IL1RAPL2: variants seen among roughly 807,000 people sequenced by gnomAD.
IL1RAPL2 encodes X-linked interleukin-1 receptor accessory protein-like 2.
A neutral mutation model predicts 44.1 loss-of-function variants in IL1RAPL2; 3 were observed. The ratio of observed to expected loss-of-function variants is 0.07; its 90% confidence interval spans 0.03 to 0.18. The LOEUF (loss-of-function observed/expected upper bound fraction) is 0.18, where lower values mean the gene tolerates loss of function less well. Among genes scored for constraint, IL1RAPL2 ranks in the 10% least tolerant of loss-of-function variants. The probability of loss-of-function intolerance (pLI) is 1.00; values close to 1 mark genes in which losing one functional copy is unlikely to be tolerated. For synonymous variants in IL1RAPL2, 181 were observed against 178.8 expected (o/e 1.01, Z -0.10); for missense variants, 391 against 496.4 (o/e 0.79, Z 2.02).
intron 2 of IL1RAPL2, among the ~76,000 whole-genome samples, chrX:104,756,009 T>A (rs756582650): frequency 2.7e-5 from 3 of 111,630 alleles, no homozygotes; most frequent in Non-Finnish European, 5.7e-5. Flanking sequence ...GGAATTAACC[T>A]ATACTATGCA....
At chrX:104,659,779 C>G (rs771186803) in intron 2 of IL1RAPL2, among the ~76,000 whole-genome samples, 3 of 111,792 alleles carry the variant, frequency 2.7e-5, no homozygotes, top group African/African-American at 6.5e-5. Flanking sequence ...GCTTCTAATT[C>G]ATTTATTTCT....
At chrX:104,917,470 C>T (rs1924489200) in intron 2 of IL1RAPL2, among the ~76,000 whole-genome samples, 2 of 111,251 alleles carry the variant, frequency 1.8e-5, no homozygotes, top group Admixed American at 1.9e-4. Context: ...TGATTTTTAT[C>T]CACAGATTTG....
intron 2 of IL1RAPL2, among the ~76,000 whole-genome samples, chrX:105,175,226 G>A (rs2033461926): frequency 1.8e-5 from 2 of 111,195 alleles, no homozygotes; most frequent in Admixed American, 9.6e-5. Context: ...ACCCTGTAAG[G>A]TGTAAATTTC....
intron 8 of IL1RAPL2, among the ~76,000 whole-genome samples, chrX:105,747,520 A>G (rs201893167): frequency 2.4e-3 from 150 of 63,592 alleles, no homozygotes; most frequent in Middle Eastern, 0.014. Flanking sequence ...GTGTGTGTAT[A>G]TATATATATA....
chrX:104,914,225 G>A (rs1007039072), intron 2 of IL1RAPL2, among the ~76,000 whole-genome samples: 1 of 111,616 alleles, frequency 9.0e-6, no homozygotes, highest in African/African-American at 3.3e-5. Flanking sequence ...ATACTCTAAG[G>A]TTTGACAACA....
chrX:104,608,662 CTTTTTT>C (rs60105376), intron 1 of IL1RAPL2, among the ~76,000 whole-genome samples: 41 of 58,510 alleles, frequency 7.0e-4, no homozygotes, highest in East Asian at 1.6e-3. Context: ...GCAACCCCTG[CTTTTTT>C]TTTTTTTTTT....
chrX:105,144,016 T>TA (rs761101214), intron 2 of IL1RAPL2, among the ~76,000 whole-genome samples: 3,225 of 98,602 alleles, frequency 0.033, 130 homozygotes, highest in African/African-American at 0.11. Context: ...ATAAACAAAA[T>TA]AAAAAAAAAA....
intron 5 of IL1RAPL2, among the ~76,000 whole-genome samples, chrX:105,355,113 A>AT (rs1201245562): frequency 9.0e-6 from 1 of 111,066 alleles, no homozygotes; most frequent in Non-Finnish European, 1.9e-5. Flanking sequence ...CATGCAATCC[A>AT]TTTTTTACCT....
At chrX:105,674,549 G>A (rs1204494028) in intron 6 of IL1RAPL2, among the ~76,000 whole-genome samples, 1 of 112,073 alleles carries the variant, frequency 8.9e-6, no homozygotes, top group Non-Finnish European at 1.9e-5. Flanking sequence ...CCATTACCAT[G>A]CTGTTTTGGT....
intron 2 of IL1RAPL2, among the ~76,000 whole-genome samples, chrX:104,740,659 C>G (rs945955385): frequency 2.7e-5 from 3 of 110,397 alleles, no homozygotes; most frequent in African/African-American, 9.8e-5. Flanking sequence ...CGTTATTTAT[C>G]GGGGAAACTC....
intron 5 of IL1RAPL2, among the ~76,000 whole-genome samples, chrX:105,387,121 A>T (rs1373107232): frequency 2.8e-5 from 3 of 108,908 alleles, no homozygotes; most frequent in Non-Finnish European, 5.7e-5. Context: ...GCCAAGGAAG[A>T]GTGTTACTCA....
At chrX:105,358,301 C>T (rs2035220025) in intron 5 of IL1RAPL2, among the ~76,000 whole-genome samples, 2 of 107,771 alleles carry the variant, frequency 1.9e-5, no homozygotes, top group Admixed American at 1.0e-4. Context: ...AATTTTATGT[C>T]AGTATGCTAT....
chrX:104,827,597 T>C, intron 2 of IL1RAPL2, among the ~76,000 whole-genome samples: 1 of 110,962 alleles, frequency 9.0e-6, no homozygotes, highest in Non-Finnish European at 1.9e-5. Context: ...CTGACAATTA[T>C]GTGTCTTGGA....
chrX:105,149,742 G>A (rs1231899660), intron 2 of IL1RAPL2, among the ~76,000 whole-genome samples: 1 of 110,224 alleles, frequency 9.1e-6, no homozygotes, highest in African/African-American at 3.3e-5. Context: ...CTGAGGCAGG[G>A]AGAATTGCTT....
chrX:104,627,248 G>T (rs753473716), intron 1 of IL1RAPL2, among the ~76,000 whole-genome samples: 16 of 102,206 alleles, frequency 1.6e-4, no homozygotes, highest in East Asian at 9.4e-4. Context: ...GCAGTGTTTG[G>T]TTTTTTGTCC....
intron 4 of IL1RAPL2, among the ~76,000 whole-genome samples, chrX:105,248,943 C>G (rs2034246001): frequency 9.0e-6 from 1 of 110,980 alleles, no homozygotes; most frequent in Admixed American, 9.6e-5. Context: ...GGAGGTTCCT[C>G]AAAAAACTAG....
chrX:104,648,035 C>T (rs766897413), intron 1 of IL1RAPL2: 65 of 520,541 alleles, frequency 1.2e-4, no homozygotes, highest in Non-Finnish European at 2.1e-4. Context: ...CACCTGCTTC[C>T]ACTCTGACCT....
chrX:105,458,387 A>G (rs2036070694), intron 5 of IL1RAPL2, among the ~76,000 whole-genome samples: 2 of 111,855 alleles, frequency 1.8e-5, no homozygotes, highest in African/African-American at 6.5e-5. Context: ...CAATACCACT[A>G]CAATGGCATA....
At chrX:104,923,209 A>C (rs189935328) in intron 2 of IL1RAPL2, among the ~76,000 whole-genome samples, 60 of 112,268 alleles carry the variant, frequency 5.3e-4, no homozygotes, top group Admixed American at 2.5e-3. Context: ...GAAGAAGAAA[A>C]TAATAAGAAG....
Sources: gnomAD v4.1 joint callset for allele counts (sites outside exome capture counted in the v4.1 genomes callset) on GRCh38, gnomAD v4.1.1 for gene constraint, MANE v1.5 for transcripts, NCBI Gene and HGNC (gene_info 2026-07-23, HGNC 2026-07-21) for gene names.